EBF2: variants seen among roughly 807,000 people sequenced by gnomAD.
The protein encoded by EBF2 is transcription factor COE2.
EBF2 carries 21 observed loss-of-function variants against 72.8 expected under a neutral mutation model. The ratio of observed to expected loss-of-function variants is 0.29; its 90% CI spans 0.20 to 0.42. EBF2 has a LOEUF of 0.42. Ranked by LOEUF, EBF2 falls within the 10% of genes least tolerant of loss-of-function variation. The pLI, the probability that EBF2 is intolerant of heterozygous loss-of-function variation, is 1.00. For missense variants in EBF2, 637 were observed against 731.2 expected, an observed-to-expected ratio of 0.87 and a Z score of 1.49; for synonymous variants, 299 against 274.2, an observed-to-expected ratio of 1.09 and a Z score of -0.89.
chr8:26,005,738 G>A (rs1156743917), intron 6 of EBF2, among the ~76,000 whole-genome samples: 1 of 148,078 alleles, frequency 6.8e-6, no homozygotes, highest in Non-Finnish European at 1.5e-5. Flanking sequence ...GGCTGAGGTA[G>A]GAAGATCACT....
chr8:26,017,748 T>C (rs1041679535), intron 6 of EBF2, among the ~76,000 whole-genome samples: 8 of 152,158 alleles, frequency 5.3e-5, no homozygotes, highest in African/African-American at 1.9e-4. Flanking sequence ...CTGAAAATGT[T>C]CCTCCCAGAA....
chr8:25,850,436 A>G (rs1585256307), intron 15 of EBF2, among the ~76,000 whole-genome samples, 158 bp downstream of exon 15: 1 of 152,352 alleles, frequency 6.6e-6, no homozygotes, highest in East Asian at 1.9e-4. Flanking sequence ...TAGATGGAGC[A>G]CTTGCCTAGC....
At chr8:25,852,162 C>T (rs1801993265) in intron 14 of EBF2, among the ~76,000 whole-genome samples, 1 of 152,122 alleles carries the variant, frequency 6.6e-6, no homozygotes. Context: ...GGAAGAATCT[C>T]ATGTAATACT....
At chr8:26,023,085 T>C (rs1270203684) in intron 6 of EBF2, among the ~76,000 whole-genome samples, 2 of 152,148 alleles carry the variant, frequency 1.3e-5, no homozygotes, top group African/African-American at 4.8e-5. Context: ...TCCCAACCAT[T>C]TGGCATGCCA....
chr8:25,905,045 G>A (rs1803012387), intron 7 of EBF2, among the ~76,000 whole-genome samples: 1 of 152,108 alleles, frequency 6.6e-6, no homozygotes, highest in Non-Finnish European at 1.5e-5. Flanking sequence ...GATTTAAATA[G>A]ACACTTCCTC....
chr8:26,012,432 T>C (rs779795217), intron 6 of EBF2, among the ~76,000 whole-genome samples: 1 of 152,212 alleles, frequency 6.6e-6, no homozygotes, highest in Admixed American at 6.5e-5. Flanking sequence ...TAACCCTAAA[T>C]TGAAAATCAT....
intron 10 of EBF2, among the ~76,000 whole-genome samples, chr8:25,886,056 C>T (rs181112251): frequency 7.9e-5 from 12 of 152,246 alleles, no homozygotes; most frequent in African/African-American, 1.7e-4. Flanking sequence ...TTTCCCTGTC[C>T]GTAAATATGG....
chr8:26,010,128 C>T (rs1043320092), intron 6 of EBF2, among the ~76,000 whole-genome samples: 1 of 152,186 alleles, frequency 6.6e-6, no homozygotes, highest in Non-Finnish European at 1.5e-5. Context: ...TGGAGTCCTC[C>T]TGTCTCCTAT....
Position 25,958,474 on chromosome 8 carries a change from C to CT in EBF2, c.552-49920dup, listed in dbSNP as rs1285548188. On this transcript the variant is annotated intron_variant, in intron 6 of 15. Transcript: ENST00000520164. Reference sequence around the variant, plus strand: ...GAACACATCTGCATTCCTTCTCTCTCTTTTTTTGGCCAGAAACTTTATACA... The same window carrying CT: ...GAACACATCTGCATTCCTTCTCTCTCTTTTTTTTGGCCAGAAACTTTATACA... Among the ~76,000 whole-genome samples, 6 of 151,898 alleles carry CT rather than the reference C, an allele frequency of 4.0e-5. No individual in the cohort carries two copies. In the South Asian group the frequency reaches 1.2e-3, roughly 32 times the overall value.
intron 5 of EBF2, among the ~76,000 whole-genome samples, chr8:26,039,496 ACTC>A (rs1805563804): frequency 6.6e-6 from 1 of 151,946 alleles, no homozygotes; most frequent in Admixed American, 6.6e-5. Context: ...CGACACGAGA[ACTC>A]CTAAGAGAGC....
chr8:25,915,282 G>GAAA (rs201070548), intron 6 of EBF2, among the ~76,000 whole-genome samples: 1 of 139,442 alleles, frequency 7.2e-6, no homozygotes, highest in Non-Finnish European at 1.6e-5. Context: ...CCAAGCTTTG[G>GAAA]AAAAAAAAAA....
chr8:25,976,670 GC>G (rs1242095556), intron 6 of EBF2, among the ~76,000 whole-genome samples: 6 of 152,102 alleles, frequency 3.9e-5, no homozygotes, highest in African/African-American at 1.4e-4. Context: ...TCTTTCTCTA[GC>G]CTGATTCTCA....
intron 6 of EBF2, among the ~76,000 whole-genome samples, chr8:25,963,830 GA>G (rs1347431827): frequency 2.0e-5 from 3 of 152,150 alleles, no homozygotes; most frequent in African/African-American, 4.8e-5. Context: ...AAGCAGGTGT[GA>G]AAAAAATCTA....
chr8:26,040,200 A>T, intron 4 of EBF2, 99 bp from the exon 5 acceptor site: 1 of 1,258,826 alleles, frequency 7.9e-7, no homozygotes, highest in Non-Finnish European at 1.1e-6. Context: ...TTTCCCTCCC[A>T]CTACCTGCCA....
chr8:26,036,333 C>G (rs1805500242), intron 5 of EBF2, among the ~76,000 whole-genome samples: 1 of 151,916 alleles, frequency 6.6e-6, no homozygotes, highest in South Asian at 2.1e-4. Flanking sequence ...TGCAGATAAA[C>G]TTTAGGATCC....
In EBF2 at chr8:25,853,542, T is replaced by C. The variant is rs116736494; in HGVS notation, c.1529-2781A>G. 7.9e-3 allele frequency among the ~76,000 whole-genome samples: 1,197 copies of C among 152,236 alleles called. 15 individuals are homozygous for C. The highest frequency in any genetic ancestry group is 0.027 in the African/African-American group (1,137 of 41,550). ...GGGAAACATATAATAATCTTTCTTT[T>C]CTAAGGGAAGAATTAACCTCTCTGG... On this transcript the variant is annotated intron_variant, in intron 14 of 15. Transcript: ENST00000520164.
chr8:25,860,932 T>G, intron 13 of EBF2, 117 bp downstream of exon 13: 1 of 1,069,374 alleles, frequency 9.4e-7, no homozygotes, highest in Non-Finnish European at 1.4e-6. Flanking sequence ...ATGATTGTAT[T>G]GCCTATCTGT....
chr8:26,018,571 T>C, intron 6 of EBF2, among the ~76,000 whole-genome samples: 1 of 149,686 alleles, frequency 6.7e-6, no homozygotes, highest in Non-Finnish European at 1.5e-5. Context: ...CTCAGGAGGC[T>C]GAGGCAGAAG....
chr8:26,009,028 C>T (rs917963903), intron 6 of EBF2, among the ~76,000 whole-genome samples: 2 of 147,128 alleles, frequency 1.4e-5, no homozygotes, highest in African/African-American at 5.0e-5. Context: ...CCTACATATC[C>T]TCAGAAGTCC....
Sources: gnomAD v4.1 joint callset for allele counts (sites outside exome capture counted in the v4.1 genomes callset) on GRCh38, gnomAD v4.1.1 for gene constraint, MANE v1.5 for transcripts, NCBI Gene and HGNC (gene_info 2026-07-23, HGNC 2026-07-21) for gene names.